The following PLCB1 variants were observed in gnomAD, a reference collection of about 807,000 sequenced individuals.
PLCB1 encodes the protein phospholipase C beta 1.
PLCB1 carries 46 observed loss-of-function variants against 161.8 expected under a neutral mutation model. That is an observed-to-expected ratio of 0.28 (90% CI 0.22 to 0.36). The LOEUF (loss-of-function observed/expected upper bound fraction) is 0.36. Ranked by LOEUF, PLCB1 falls within the 10% of genes least tolerant of loss-of-function variation. The pLI is 1.00. For missense variants in PLCB1, 1,016 were observed against 1,472.5 expected (o/e 0.69, Z 5.07); for synonymous variants, 517 against 503.7 (o/e 1.03, Z -0.35).
At chr20:8,819,420 T>G (rs1461566990) in intron 31 of PLCB1, among the ~76,000 whole-genome samples, 1 of 152,194 alleles carries the variant, frequency 6.6e-6, no homozygotes, top group Non-Finnish European at 1.5e-5. Flanking sequence ...TTTAGAATAT[T>G]ATGTAGAATA....
rs1376110259 is a variant in PLCB1 at position 8,774,541 on chromosome 20, C to T, written c.2933C>T (p.Ser978Leu). The change falls in exon 27 of 32, where the codon TCG becomes TTG. Residue 978 changes from serine (S) to leucine (L), a missense_variant and splice_region_variant. Coordinates refer to ENST00000338037, the MANE Select transcript of PLCB1 (RefSeq NM_015192.4). ...AGTCAAACTCTGTGTCTTTGCAGAT[C>T]GGAACCCAGCAGCCCTGATCATGGT... is the stretch of plus-strand genomic sequence containing the variant. ...KSAKKDSKKK[S>L]EPSSPDHGSS... 8 of 1,604,778 alleles carry T rather than the reference C, an allele frequency of 5.0e-6. No individual in the cohort carries two copies. The African/African-American group carries it at 5.3e-5, about 11-fold the overall frequency.
intron 2 of PLCB1, among the ~76,000 whole-genome samples, chr20:8,192,915 C>T (rs1212214294): frequency 6.6e-6 from 1 of 151,934 alleles, no homozygotes; most frequent in Non-Finnish European, 1.5e-5. Flanking sequence ...GTGGTCTCTA[C>T]CATCCAGTTA....
At chr20:8,488,844 C>A (rs1054088777) in intron 3 of PLCB1, among the ~76,000 whole-genome samples, 2 of 152,104 alleles carry the variant, frequency 1.3e-5, no homozygotes, top group African/African-American at 4.8e-5. Context: ...ATTGAATCCA[C>A]TTAAATTTTC....
chr20:8,189,892 T>TC (rs1462315503), intron 2 of PLCB1, among the ~76,000 whole-genome samples: 1 of 151,966 alleles, frequency 6.6e-6, no homozygotes, highest in Non-Finnish European at 1.5e-5. Flanking sequence ...GGAATGTTTT[T>TC]CCAGGAAAAA....
chr20:8,383,401 A>G (rs946246185), intron 3 of PLCB1, among the ~76,000 whole-genome samples: 2 of 151,826 alleles, frequency 1.3e-5, no homozygotes, highest in African/African-American at 4.8e-5. Flanking sequence ...ATTTTCCTCC[A>G]TCACTTTATT....
intron 2 of PLCB1, among the ~76,000 whole-genome samples, chr20:8,152,686 G>T (rs767733380): frequency 6.6e-6 from 1 of 151,914 alleles, no homozygotes; most frequent in East Asian, 1.9e-4. Flanking sequence ...TTTATACACT[G>T]TGTTTTCCAT....
At chr20:8,612,698 G>A (rs140411609) in intron 3 of PLCB1, among the ~76,000 whole-genome samples, 1 of 152,118 alleles carries the variant, frequency 6.6e-6, no homozygotes, top group African/African-American at 2.4e-5. Flanking sequence ...GTGCTCTTGA[G>A]AGCTTAAAGC....
At chr20:8,606,354 A>G (rs1468442970) in intron 3 of PLCB1, among the ~76,000 whole-genome samples, 1 of 152,170 alleles carries the variant, frequency 6.6e-6, no homozygotes, top group African/African-American at 2.4e-5. Context: ...AGGAGCATAA[A>G]CAGAGCAAGT....
At chr20:8,545,512 A>G (rs1390221784) in intron 3 of PLCB1, among the ~76,000 whole-genome samples, 1 of 152,236 alleles carries the variant, frequency 6.6e-6, no homozygotes, top group African/African-American at 2.4e-5. Context: ...AGGAAGGCCA[A>G]TTAAAAACTA....
At chr20:8,821,547 A>G (rs1422491359) in intron 31 of PLCB1, among the ~76,000 whole-genome samples, 2 of 94,506 alleles carry the variant, frequency 2.1e-5, no homozygotes, top group Admixed American at 1.3e-4. Flanking sequence ...ATATATATAT[A>G]TATATATATA....
At chr20:8,408,689 G>A (rs772016672) in intron 3 of PLCB1, among the ~76,000 whole-genome samples, 3 of 152,050 alleles carry the variant, frequency 2.0e-5, no homozygotes, top group Admixed American at 6.5e-5. Flanking sequence ...AAGCATATTA[G>A]CATTTTTGTC....
intron 31 of PLCB1, among the ~76,000 whole-genome samples, chr20:8,819,690 T>A (rs1369005382): frequency 1.3e-5 from 2 of 152,192 alleles, no homozygotes; most frequent in East Asian, 3.9e-4. Flanking sequence ...CTGCAGATGC[T>A]GAGCACCTGA....
At chr20:8,391,596 T>C (rs1166958734) in intron 3 of PLCB1, among the ~76,000 whole-genome samples, 1 of 151,806 alleles carries the variant, frequency 6.6e-6, no homozygotes, top group Non-Finnish European at 1.5e-5. Context: ...TTTATTGGTT[T>C]CCCTGTGAAT....
intron 31 of PLCB1, among the ~76,000 whole-genome samples, chr20:8,843,401 G>A (rs1986578000): frequency 6.6e-6 from 1 of 152,072 alleles, no homozygotes; most frequent in Admixed American, 6.6e-5. Context: ...AATTAAAGTT[G>A]GGCATTGGCA....
intron 3 of PLCB1, among the ~76,000 whole-genome samples, chr20:8,375,038 C>A (rs1987027576): frequency 6.6e-6 from 1 of 152,100 alleles, no homozygotes; most frequent in South Asian, 2.1e-4. Flanking sequence ...TAAATGTCAA[C>A]CCCCAACACA....
At chr20:8,775,329 G>A (rs2146204694) in intron 27 of PLCB1, among the ~76,000 whole-genome samples, 1 of 152,166 alleles carries the variant, frequency 6.6e-6, no homozygotes, top group Middle Eastern at 3.4e-3. Flanking sequence ...ACATAGTAGG[G>A]ACACAATAAA....
At chr20:8,404,954 CATGTTAG>C (rs1388068637) in intron 3 of PLCB1, among the ~76,000 whole-genome samples, 1 of 152,160 alleles carries the variant, frequency 6.6e-6, no homozygotes, top group Admixed American at 6.5e-5. Context: ...TTAATTCCTA[CATGTTAG>C]TCCTATTTCC....
intron 2 of PLCB1, among the ~76,000 whole-genome samples, chr20:8,319,799 C>A (rs1984824947): frequency 7.1e-6 from 1 of 140,780 alleles, no homozygotes. Flanking sequence ...AGTGAACCAG[C>A]ATACATAATG....
Position 8,417,073 on chromosome 20 carries a change from ATT to A in PLCB1, c.246+45653_246+45654del, listed in dbSNP as rs3031852. On this transcript the variant is annotated intron_variant, in intron 3 of 31. Coordinates refer to ENST00000338037, the MANE Select transcript of PLCB1 (RefSeq NM_015192.4). ...CACACACATATATATATATATATATATTTTTTTTTTTTTTTTTTTTTTTTTTT... is the reference window on the plus strand; with the variant it reads ...CACACACATATATATATATATATATATTTTTTTTTTTTTTTTTTTTTTTTT... Among the ~76,000 whole-genome samples, 167 of 39,740 alleles carry A rather than the reference ATT, an allele frequency of 4.2e-3. 3 individuals are homozygous for A. The highest frequency in any genetic ancestry group is 0.021 in the Middle Eastern group (1 of 48). 26.1% of individuals were successfully genotyped at this position (39,740 alleles called of 152,430 possible). A position where few individuals can be genotyped will look rare whatever the true frequency, so the allele number is the denominator to read the frequency against.
Sources: gnomAD v4.1 joint callset for allele counts (sites outside exome capture counted in the v4.1 genomes callset) on GRCh38, gnomAD v4.1.1 for gene constraint, MANE v1.5 for transcripts, NCBI Gene and HGNC (gene_info 2026-07-23, HGNC 2026-07-21) for gene names.